Variants in KCNK10 observed in about 807,000 individuals in gnomAD.
The protein encoded by KCNK10 is potassium channel subfamily K member 10.
KCNK10 carries 25 observed loss-of-function variants against 47.7 expected under a neutral mutation model. That is an observed-to-expected ratio of 0.52 (90% CI 0.38 to 0.73). KCNK10 has a LOEUF of 0.73. Ranked by LOEUF, KCNK10 falls within the 30% of genes least tolerant of loss-of-function variation. KCNK10 has a pLI of 0.00. For missense variants in KCNK10, 563 were observed against 714.5 expected (o/e 0.79, Z 2.42); for synonymous variants, 303 against 285.6 (o/e 1.06, Z -0.61).
At chr14:88,268,723 G>T (rs200255866) in intron 1 of KCNK10, among the ~76,000 whole-genome samples, 2 of 152,188 alleles carry the variant, frequency 1.3e-5, no homozygotes, top group Non-Finnish European at 2.9e-5. Flanking sequence ...ATAATGAATG[G>T]ATCTATAAAG....
At chr14:88,212,109 AATATATATATAT>A (rs34318518) in intron 4 of KCNK10, among the ~76,000 whole-genome samples, 5 of 133,392 alleles carry the variant, frequency 3.7e-5, no homozygotes, top group East Asian at 2.6e-4. Flanking sequence ...TGATAGTGAG[AATATATATATAT>A]ATATATATAT....
chr14:88,299,346 C>CCTGT (rs1888049886), intron 1 of KCNK10, among the ~76,000 whole-genome samples: 1 of 152,166 alleles, frequency 6.6e-6, no homozygotes, highest in Non-Finnish European at 1.5e-5. Flanking sequence ...AGAGATTGGA[C>CCTGT]CTGTCAGGCC....
chr14:88,319,308 A>G (rs1888494659), intron 1 of KCNK10, among the ~76,000 whole-genome samples: 1 of 152,214 alleles, frequency 6.6e-6, no homozygotes, highest in Non-Finnish European at 1.5e-5. Context: ...CTGTAAGAAA[A>G]ACATTATAAT....
intron 2 of KCNK10, among the ~76,000 whole-genome samples, chr14:88,261,519 A>T (rs1887110631): frequency 3.9e-5 from 6 of 152,204 alleles, no homozygotes; most frequent in Admixed American, 3.9e-4. Context: ...TTAGGAGGCC[A>T]AGGCGGGTTG....
chr14:88,197,094 C>T (rs1441153299), intron 4 of KCNK10, among the ~76,000 whole-genome samples: 1 of 152,176 alleles, frequency 6.6e-6, no homozygotes, highest in African/African-American at 2.4e-5. Context: ...CATATATACA[C>T]ACACAGAAAA....
intron 2 of KCNK10, among the ~76,000 whole-genome samples, chr14:88,249,454 G>C (rs1886733469): frequency 6.6e-6 from 1 of 152,200 alleles, no homozygotes; most frequent in African/African-American, 2.4e-5. Context: ...GGTGAATGAA[G>C]GTCCTCTTGG....
intron 1 of KCNK10, among the ~76,000 whole-genome samples, chr14:88,309,156 T>A (rs1208723170): frequency 6.6e-6 from 1 of 152,214 alleles, no homozygotes; most frequent in Non-Finnish European, 1.5e-5. Flanking sequence ...TGGATAGATG[T>A]CTTCTTCAAG....
chr14:88,193,103 C>G lies in KCNK10; in HGVS notation c.682-693G>C, dbSNP rs924727791. Among the ~76,000 whole-genome samples, 115 of 152,184 alleles carry G rather than the reference C, an allele frequency of 7.6e-4. 2 individuals carry two copies. The highest frequency in any genetic ancestry group is 7.3e-5 in the Non-Finnish European group (5 of 68,038). On this transcript the variant is annotated intron_variant, in intron 4 of 6. Coordinates refer to ENST00000319231, the MANE Select transcript of KCNK10 (RefSeq NM_138317.3). ...TCATGTGTGTTGACTGTATCACTCA[C>G]AAGAGACAGGATAGGAGTTAGCATA...
At chr14:88,232,775 C>G (rs1345441543) in intron 3 of KCNK10, among the ~76,000 whole-genome samples, 1 of 152,218 alleles carries the variant, frequency 6.6e-6, no homozygotes, top group Admixed American at 6.5e-5. Flanking sequence ...TTTTGATGCA[C>G]ATTTGTTTTG....
intron 1 of KCNK10, among the ~76,000 whole-genome samples, chr14:88,266,059 C>T (rs999403562): frequency 6.6e-6 from 1 of 152,184 alleles, no homozygotes; most frequent in African/African-American, 2.4e-5. Context: ...CCTTGTCCAG[C>T]ACTCCCATTA....
intron 1 of KCNK10, among the ~76,000 whole-genome samples, chr14:88,296,699 T>C (rs980051087): frequency 6.6e-6 from 1 of 152,216 alleles, no homozygotes; most frequent in Admixed American, 6.5e-5. Context: ...TTGAACCCAC[T>C]GGGCTCTGCA....
At chr14:88,285,978 G>T (rs539870562) in intron 1 of KCNK10, among the ~76,000 whole-genome samples, 7 of 152,226 alleles carry the variant, frequency 4.6e-5, no homozygotes, top group Non-Finnish European at 1.0e-4. Context: ...AGACCACACC[G>T]CTTCTGCCTG....
In KCNK10 at chr14:88,201,666, G is replaced by GA. The variant is rs998543405; in HGVS notation, c.682-9257dup. Reference sequence around the variant, plus strand: ...CAGAGTGAGACTACGTCTCAAAAAAGAAAAAAAAAAATAGAAGGCTACACT... The same window carrying GA: ...CAGAGTGAGACTACGTCTCAAAAAAGAAAAAAAAAAAATAGAAGGCTACACT... On this transcript the variant is annotated intron_variant, in intron 4 of 6. Coordinates refer to ENST00000319231, the MANE Select transcript of KCNK10 (RefSeq NM_138317.3). 5.8e-3 allele frequency among the ~76,000 whole-genome samples: 828 copies of GA among 141,930 alleles called. 9 individuals carry two copies. Among genetic ancestry groups the GA allele is most frequent in the African/African-American group, 0.019 (720 of 38,836 alleles). 93.1% of individuals were successfully genotyped at this position (141,930 alleles called of 152,430 possible).
chr14:88,268,160 C>A (rs1438551844), intron 1 of KCNK10, among the ~76,000 whole-genome samples: 1 of 152,198 alleles, frequency 6.6e-6, no homozygotes, highest in Non-Finnish European at 1.5e-5. Context: ...AAGCATCTTC[C>A]AGCCTAAGGA....
intron 2 of KCNK10, among the ~76,000 whole-genome samples, chr14:88,248,770 T>C (rs969942828): frequency 1.3e-5 from 2 of 151,860 alleles, no homozygotes; most frequent in African/African-American, 4.8e-5. Context: ...TCATTTTCTG[T>C]GCCTCCTTAA....
At chr14:88,291,364 T>C (rs1887872537) in intron 1 of KCNK10, among the ~76,000 whole-genome samples, 1 of 152,226 alleles carries the variant, frequency 6.6e-6, no homozygotes, top group Non-Finnish European at 1.5e-5. Flanking sequence ...TTGGGGTTTA[T>C]ACTGAGATCT....
chr14:88,248,589 T>C (rs539838788), intron 2 of KCNK10, among the ~76,000 whole-genome samples: 2 of 151,860 alleles, frequency 1.3e-5, no homozygotes, highest in South Asian at 4.2e-4. Context: ...ATTACACAGG[T>C]ATGGTGGTGC....
intron 3 of KCNK10, among the ~76,000 whole-genome samples, chr14:88,238,329 T>C (rs1886354686): frequency 6.6e-6 from 1 of 152,218 alleles, no homozygotes; most frequent in Non-Finnish European, 1.5e-5. Flanking sequence ...TTCACTTTCT[T>C]ATCATTCATG....
At chr14:88,318,887 T>C (rs1248044653) in intron 1 of KCNK10, among the ~76,000 whole-genome samples, 1 of 152,228 alleles carries the variant, frequency 6.6e-6, no homozygotes, top group Non-Finnish European at 1.5e-5. Context: ...TTTTTTACAC[T>C]GTATTCATCT....
Sources: allele counts gnomAD v4.1 joint callset (sites outside exome capture counted in the v4.1 genomes callset), GRCh38; gene constraint gnomAD v4.1.1; transcripts MANE v1.5; gene names NCBI Gene and HGNC (gene_info 2026-07-23, HGNC 2026-07-21).